Variants in NRG3 observed in about 807,000 individuals in gnomAD.
The protein encoded by NRG3 is neuregulin 3, also known as pro-neuregulin-3, membrane-bound isoform.
In NRG3, 31 loss-of-function variants were observed where a neutral mutation model predicts 66.9. The ratio of observed to expected loss-of-function variants is 0.46; its 90% confidence interval spans 0.35 to 0.63. The LOEUF is 0.63. Among genes scored for constraint, NRG3 ranks in the 20% least tolerant of loss-of-function variants. The pLI is 0.00. For missense variants in NRG3, 910 were observed against 878.9 expected (o/e 1.04, Z -0.45); for synonymous variants, 393 against 359.4 (o/e 1.09, Z -1.06).
intron 2 of NRG3, among the ~76,000 whole-genome samples, chr10:82,408,635 A>T (rs201218470): frequency 0.02 from 1,397 of 70,844 alleles, 11 homozygotes; most frequent in Middle Eastern, 0.026. Flanking sequence ...TATATATATT[A>T]TATATATATA....
At chr10:82,127,850 C>T (rs1265977124) in intron 1 of NRG3, among the ~76,000 whole-genome samples, 1 of 151,962 alleles carries the variant, frequency 6.6e-6, no homozygotes, top group African/African-American at 2.4e-5. Context: ...TCTCTCCCAC[C>T]CTCTTCAGTG....
chr10:82,020,242 T>C (rs1296717757), intron 1 of NRG3, among the ~76,000 whole-genome samples: 1 of 152,182 alleles, frequency 6.6e-6, no homozygotes, highest in Non-Finnish European at 1.5e-5. Context: ...TGCAATTTAC[T>C]TTAAGAAAAG....
chr10:82,631,624 C>T (rs1277544321), intron 2 of NRG3, among the ~76,000 whole-genome samples: 2 of 144,920 alleles, frequency 1.4e-5, no homozygotes, highest in East Asian at 4.4e-4. Context: ...TAATAGCTAA[C>T]GCTGACCTCC....
At chr10:82,896,105 G>T (rs952490250) in intron 4 of NRG3, among the ~76,000 whole-genome samples, 1 of 152,172 alleles carries the variant, frequency 6.6e-6, no homozygotes, top group Non-Finnish European at 1.5e-5. Context: ...AATTTGAAGA[G>T]AAAGTGATTT....
At chr10:82,045,019 A>G (rs892798393) in intron 1 of NRG3, among the ~76,000 whole-genome samples, 20 of 151,534 alleles carry the variant, frequency 1.3e-4, no homozygotes, top group East Asian at 3.9e-4. Flanking sequence ...TAGTGCCTCA[A>G]TAAACATACG....
intron 3 of NRG3, among the ~76,000 whole-genome samples, chr10:82,843,699 A>G (rs1163644338): frequency 1.3e-5 from 2 of 152,170 alleles, no homozygotes; most frequent in Non-Finnish European, 2.9e-5. Flanking sequence ...CCCTTCAATG[A>G]TAAGATGGAA....
At chr10:82,569,803 A>G (rs1734177724) in intron 2 of NRG3, among the ~76,000 whole-genome samples, 1 of 151,606 alleles carries the variant, frequency 6.6e-6, no homozygotes. Flanking sequence ...TATCCTGTCA[A>G]AGATCTCTCA....
intron 2 of NRG3, among the ~76,000 whole-genome samples, chr10:82,729,226 A>G (rs1387572317): frequency 6.6e-6 from 1 of 152,172 alleles, no homozygotes; most frequent in East Asian, 1.9e-4. Flanking sequence ...TCTTTTGTAT[A>G]CTAAGAAATC....
intron 1 of NRG3, among the ~76,000 whole-genome samples, chr10:81,992,803 A>T (rs544114896): frequency 6.6e-6 from 1 of 152,130 alleles, no homozygotes; most frequent in East Asian, 1.9e-4. Context: ...TATGATAGCA[A>T]CTCCTATTGA....
At chr10:81,998,400 G>T (rs1056211576) in intron 1 of NRG3, among the ~76,000 whole-genome samples, 4 of 152,000 alleles carry the variant, frequency 2.6e-5, no homozygotes, top group African/African-American at 9.7e-5. Flanking sequence ...TCCCAAACTG[G>T]CCACTCTGAT....
intron 2 of NRG3, among the ~76,000 whole-genome samples, chr10:82,725,013 A>T (rs1014499448): frequency 7.2e-5 from 11 of 152,206 alleles, no homozygotes; most frequent in Non-Finnish European, 1.3e-4. Context: ...CTTTCCAAAA[A>T]GGACATTACC....
chr10:82,319,542 T>C (rs1345761222), intron 1 of NRG3, among the ~76,000 whole-genome samples: 1 of 152,230 alleles, frequency 6.6e-6, no homozygotes, highest in African/African-American at 2.4e-5. Context: ...CCCTTGTTCT[T>C]TGAATGCCTA....
chr10:82,200,901 A>C (rs1215180224), intron 1 of NRG3, among the ~76,000 whole-genome samples: 2 of 152,096 alleles, frequency 1.3e-5, no homozygotes, highest in African/African-American at 2.4e-5. Flanking sequence ...TCAATTAAAC[A>C]TAAAGAGACA....
chr10:82,267,985 G>T (rs539385031), intron 1 of NRG3, among the ~76,000 whole-genome samples: 3 of 152,106 alleles, frequency 2.0e-5, no homozygotes, highest in East Asian at 1.9e-4. Context: ...CTTATAAAAC[G>T]CAATTTTGGA....
chr10:82,580,546 A>G (rs530680898), intron 2 of NRG3, among the ~76,000 whole-genome samples: 1 of 151,944 alleles, frequency 6.6e-6, no homozygotes, highest in East Asian at 1.9e-4. Flanking sequence ...TCTTTCATCT[A>G]TTCATCCCTC....
intron 1 of NRG3, among the ~76,000 whole-genome samples, chr10:81,948,232 T>C (rs1304441106): frequency 6.6e-6 from 1 of 152,186 alleles, no homozygotes. Flanking sequence ...CACAACAACA[T>C]TGAGGGAAAA....
At chr10:82,617,491 C>A (rs1383038807) in intron 2 of NRG3, among the ~76,000 whole-genome samples, 1 of 152,144 alleles carries the variant, frequency 6.6e-6, no homozygotes, top group Non-Finnish European at 1.5e-5. Flanking sequence ...CCAAGGACTT[C>A]TAGGGGCACC....
At chr10:82,815,175 A>T (rs1199051122) in intron 3 of NRG3, among the ~76,000 whole-genome samples, 2 of 152,198 alleles carry the variant, frequency 1.3e-5, no homozygotes, top group Non-Finnish European at 2.9e-5. Context: ...TTGCTATGGC[A>T]TCCTGATGAA....
intron 1 of NRG3, among the ~76,000 whole-genome samples, chr10:82,263,639 C>T (rs2078150407): frequency 6.6e-6 from 1 of 152,096 alleles, no homozygotes; most frequent in African/African-American, 2.4e-5. Context: ...CTCATATACA[C>T]ACTTACACCT....
Sources: gnomAD v4.1 joint callset for allele counts (sites outside exome capture counted in the v4.1 genomes callset) on GRCh38, gnomAD v4.1.1 for gene constraint, MANE v1.5 for transcripts, NCBI Gene and HGNC (gene_info 2026-07-23, HGNC 2026-07-21) for gene names.